CD38: variants seen among roughly 807,000 people sequenced by gnomAD.
CD38 encodes CD38 molecule.
In CD38, 31 loss-of-function variants were observed where a neutral mutation model predicts 36.3. The observed-to-expected ratio is 0.85, with a 90% CI of 0.64 to 1.15. The LOEUF (loss-of-function observed/expected upper bound fraction) is 1.15. Ranked by LOEUF, CD38 falls within the 50% of genes most tolerant of loss-of-function variation. The probability of loss-of-function intolerance (pLI) is 0.00; values close to 1 mark genes in which losing one functional copy is unlikely to be tolerated. For missense variants in CD38, 380 were observed against 371.9 expected (o/e 1.02, Z -0.18); for synonymous variants, 131 against 135.2 (o/e 0.97, Z 0.22).
intron 1 of CD38, among the ~76,000 whole-genome samples, chr4:15,784,406 G>GT (rs1722767365): frequency 6.6e-6 from 1 of 152,200 alleles, no homozygotes; most frequent in African/African-American, 2.4e-5. Context: ...TGGCGGTCAG[G>GT]TAAGATGCTA....
rs760738411 is a variant in CD38, at chr4:15,838,062, T to C, written c.586-30T>C. The C allele has an allele frequency of 1.1e-5, 17 of 1,583,992 alleles. No individual in the cohort carries two copies. In the African/African-American group the frequency reaches 1.9e-4, roughly 18 times the overall value. ...CTGGAGGATGGTGATTAAGTTTGCA[T>C]GATGAATGGTGGGCATTTTTTTTTT... On this transcript the variant is annotated intron_variant, in intron 4 of 7. Transcript: ENST00000226279.
At chr4:15,840,279 A>T (rs1724174334) in intron 6 of CD38, among the ~76,000 whole-genome samples, 161 bp downstream of exon 6, 1 of 152,196 alleles carries the variant, frequency 6.6e-6, no homozygotes, top group Admixed American at 6.5e-5. Context: ...CACAAAGGAT[A>T]TTTAACTGCT....
chr4:15,798,640 GC>G (rs1369954327), intron 1 of CD38, among the ~76,000 whole-genome samples: 3 of 152,188 alleles, frequency 2.0e-5, no homozygotes, highest in Non-Finnish European at 2.9e-5. Flanking sequence ...AACGGCGTCT[GC>G]CACGTTGCAT....
intron 1 of CD38, among the ~76,000 whole-genome samples, chr4:15,788,990 TCG>T (rs1320199515): frequency 5.9e-5 from 9 of 152,200 alleles, no homozygotes; most frequent in Non-Finnish European, 1.3e-4. Flanking sequence ...TTCATAAGGT[TCG>T]AATAAAACTT....
chr4:15,841,581 T>C (rs1444812870), intron 7 of CD38, among the ~76,000 whole-genome samples: 1 of 148,170 alleles, frequency 6.7e-6, no homozygotes, highest in Non-Finnish European at 1.5e-5. Context: ...TAGGAACAGC[T>C]CCGGTCTACA....
chr4:15,840,268 C>A lies in CD38; in HGVS notation c.752+150C>A, dbSNP rs11574930. ...TCCCAACAGCCTCTTAACTTTATCTCCACAAAGGATATTTAACTGCTTGAC... is the reference window on the plus strand; with the variant it reads ...TCCCAACAGCCTCTTAACTTTATCTACACAAAGGATATTTAACTGCTTGAC... On this transcript the variant is annotated intron_variant, in intron 6 of 7. Transcript: ENST00000226279. 10,838 of 729,280 alleles carry A rather than the reference C, an allele frequency of 0.015. 678 individuals are homozygous for A. The African/African-American group carries it at 0.15, about 10-fold the overall frequency. The allele number at this position is 729,280 out of a possible 1,614,324, so 45.2% of individuals were successfully genotyped here.
At chr4:15,819,498 C>G (rs1427516752) in intron 2 of CD38, among the ~76,000 whole-genome samples, 1 of 151,994 alleles carries the variant, frequency 6.6e-6, no homozygotes, top group African/African-American at 2.4e-5. Flanking sequence ...AAGCTAAGAA[C>G]CATGATAAAA....
In CD38 at chr4:15,851,639, G is replaced by A. The variant is rs1164726558; in HGVS notation, c.*3037G>A. On this transcript the variant is annotated 3_prime_UTR_variant, in exon 8 of 8. Coordinates refer to ENST00000226279, the MANE Select transcript of CD38 (RefSeq NM_001775.4). ...AGGACACACACACACATACGTAAGT[G>A]CATATGACTGCATACACCCACACAC... 1 of 152,098 alleles carries A rather than the reference G, an allele frequency of 6.6e-6. No individual in the cohort carries two copies. The highest frequency in any genetic ancestry group is 1.5e-5 in the Non-Finnish European group (1 of 68,024). 9.4% of individuals were successfully genotyped at this position (152,098 alleles called of 1,614,324 possible).
chr4:15,792,814 TATCG>T (rs1248471416), intron 1 of CD38, among the ~76,000 whole-genome samples: 2 of 152,226 alleles, frequency 1.3e-5, no homozygotes, highest in Non-Finnish European at 2.9e-5. Flanking sequence ...TATCATCCAA[TATCG>T]ATCAGAAGTT....
At chr4:15,783,807 G>A (rs1171729776) in intron 1 of CD38, among the ~76,000 whole-genome samples, 1 of 151,986 alleles carries the variant, frequency 6.6e-6, no homozygotes, top group Admixed American at 6.5e-5. Context: ...GGATTTCTTG[G>A]GAGCCAATTC....
intron 2 of CD38, among the ~76,000 whole-genome samples, chr4:15,823,351 C>T (rs4698421): frequency 0.14 from 21,332 of 152,162 alleles, 1,708 homozygotes; most frequent in South Asian, 0.24. Context: ...AGTGCTTCTG[C>T]ACAGCAGAAG....
At chr4:15,793,914 A>G (rs931492788) in intron 1 of CD38, among the ~76,000 whole-genome samples, 11 of 152,370 alleles carry the variant, frequency 7.2e-5, no homozygotes, top group African/African-American at 1.9e-4. Flanking sequence ...TCCATTTATC[A>G]GAAAGAGAAA....
chr4:15,802,211 C>A (rs1346989934), intron 1 of CD38, among the ~76,000 whole-genome samples: 1 of 152,032 alleles, frequency 6.6e-6, no homozygotes, highest in Non-Finnish European at 1.5e-5. Flanking sequence ...AAAACCTCCA[C>A]CTAGGAGTAA....
chr4:15,839,806 G>C (rs542199132), intron 5 of CD38, among the ~76,000 whole-genome samples: 15 of 152,208 alleles, frequency 9.9e-5, no homozygotes, highest in African/African-American at 3.4e-4. Flanking sequence ...AATATTTAAA[G>C]AATCAACATT....
At chr4:15,809,748 G>T (rs1370628949) in intron 1 of CD38, among the ~76,000 whole-genome samples, 3 of 152,146 alleles carry the variant, frequency 2.0e-5, no homozygotes, top group African/African-American at 7.2e-5. Context: ...GACGTCTCCT[G>T]ATGAAGACTT....
rs71179666 is a variant in CD38 at position 15,847,595 on chromosome 4, C to CAAAAAAAA, written c.840-923_840-916dup. Among the ~76,000 whole-genome samples the CAAAAAAAA allele has an allele frequency of 1.9e-3, 72 of 38,170 alleles. 13 individuals carry two copies. In the East Asian group the frequency reaches 0.027, roughly 14 times the overall value. The allele number at this position is 38,170 out of a possible 152,430, so 25.0% of individuals were successfully genotyped here. A position where few individuals can be genotyped will look rare whatever the true frequency, so the allele number is the denominator to read the frequency against. ...AAAAATAAAAAACAACTCTCAGAAG[C>CAAAAAAAA]AAAAAAAAAAAAAAAAAAAAAAAAA... On this transcript the variant is annotated intron_variant, in intron 7 of 7. Transcript: ENST00000226279.
chr4:15,804,507 G>C (rs1723300626), intron 1 of CD38, among the ~76,000 whole-genome samples: 1 of 152,160 alleles, frequency 6.6e-6, no homozygotes. Flanking sequence ...TAATAATGAA[G>C]ATATGGAATC....
intron 1 of CD38, among the ~76,000 whole-genome samples, chr4:15,780,280 A>T (rs935335946): frequency 1.3e-5 from 2 of 152,178 alleles, no homozygotes; most frequent in Non-Finnish European, 1.5e-5. Flanking sequence ...AGTCTATCAG[A>T]GGGGATGCTT....
intron 1 of CD38, among the ~76,000 whole-genome samples, chr4:15,780,224 C>G (rs1432909785): frequency 3.9e-5 from 6 of 152,102 alleles, no homozygotes; most frequent in Non-Finnish European, 2.9e-5. Context: ...TCCAGGTATT[C>G]CATATATACT....
Sources: allele counts gnomAD v4.1 joint callset (sites outside exome capture counted in the v4.1 genomes callset), GRCh38; gene constraint gnomAD v4.1.1; transcripts MANE v1.5; gene names NCBI Gene and HGNC (gene_info 2026-07-23, HGNC 2026-07-21).